The following FAM240C variants were observed in gnomAD, a reference collection of about 807,000 sequenced individuals.
The protein encoded by FAM240C is protein FAM240C.
Under a neutral mutation model 10.0 loss-of-function variants are expected in FAM240C, and 14 were observed. The ratio of observed to expected loss-of-function variants is 1.40; its 90% CI spans 0.92 to 2.19. The LOEUF is 2.19. Among genes scored for constraint, FAM240C ranks in the 30% most tolerant of loss-of-function variants. The pLI is 0.00. For synonymous variants in FAM240C, 49 were observed against 44.3 expected, an observed-to-expected ratio of 1.11 and a Z score of -0.42; for missense variants, 154 against 122.3, an observed-to-expected ratio of 1.26 and a Z score of -1.22.
chr2:241,895,963 T>TA lies in FAM240C; in HGVS notation c.161+1222_161+1223insT, dbSNP rs554941726. On this transcript the variant is annotated intron_variant, in intron 2 of 2. Coordinates refer to ENST00000404031, the MANE Select transcript of FAM240C (RefSeq NM_001382368.1). ...GGCCCGTGGGGCAAGCACTCGGTGG[T>TA]GGGGGGGGGCCTCTCCTTCACCATC... Among the ~76,000 whole-genome samples, 1,086 of 148,972 alleles carry TA rather than the reference T, an allele frequency of 7.3e-3. 20 individuals are homozygous for TA. Among genetic ancestry groups the TA allele is most frequent in the African/African-American group, 0.025 (1,021 of 40,376 alleles).
At chr2:241,896,502 A>G (rs114022390) in intron 2 of FAM240C, among the ~76,000 whole-genome samples, 4 of 7,496 alleles carry the variant, frequency 5.3e-4, no homozygotes, top group East Asian at 9.6e-3. Context: ...GTGTGGGTGA[A>G]GGGGGTGTGG....
rs770184715 is a variant in FAM240C at position 241,897,187 on chromosome 2, T to G, written c.160A>C (p.Lys54Gln). 327 of 1,549,674 alleles carry G rather than the reference T, an allele frequency of 2.1e-4. 2 individuals are homozygous for G. Among genetic ancestry groups the G allele is most frequent in the South Asian group, 4.5e-4 (38 of 84,070 alleles). The change falls in exon 2 of 3, where the codon AAG (lysine) becomes CAG (glutamine). Residue 54 changes from lysine to glutamine, a missense_variant and splice_region_variant. Physicochemically the swap from Lys to Gln is moderately conservative, Grantham distance 53 (BLOSUM62 1). Coordinates refer to ENST00000404031, the MANE Select transcript of FAM240C (RefSeq NM_001382368.1). Reference protein sequence around the residue: ...DIRVRRSALNKLRVGWAEQLE... With the variant: ...DIRVRRSALNQLRVGWAEQLE... ...GATGCACTGCACACCCCGACTCACT[T>G]GTTCAGAGCGCTTCTGCGAACCCTG...
intron 1 of FAM240C, chr2:241,899,357 CTT>C (rs1701929919): frequency 1.0e-6 from 1 of 984,762 alleles, no homozygotes; most frequent in African/African-American, 1.7e-5. Flanking sequence ...GTTCCAGAAA[CTT>C]AGACATGCAA....
At position 241,897,278 on chromosome 2, in the gene FAM240C, G is replaced by A. The variant is rs1257614498; in HGVS notation, c.69C>T (p.Gly23=). 1.4e-5 allele frequency: 22 copies of A among 1,549,676 alleles called. No homozygotes were observed. Among genetic ancestry groups the A allele is most frequent in the Admixed American group, 3.9e-5 (2 of 50,958 alleles). ...KNPGRVAYDS[G]GIKMFWEKKI... ...TTTTCTCCCAAAACATCTTTATCCC[G>A]CCTGAATCGTATGCTACTCTTCCAG... The change falls in exon 2 of 3, where the codon GGC becomes GGT. Residue 23 remains glycine, a synonymous_variant. Coordinates refer to ENST00000404031, the MANE Select transcript of FAM240C (RefSeq NM_001382368.1).
rs749494392 is a variant in FAM240C, at chr2:241,896,489, GGGGTGTGGGT to G, written c.161+687_161+696del. Among the ~76,000 whole-genome samples, 191 of 97,648 alleles carry G rather than the reference GGGGTGTGGGT, an allele frequency of 2.0e-3. 3 individuals carry two copies. The highest frequency in any genetic ancestry group is 3.0e-3 in the Non-Finnish European group (122 of 40,272). The allele number at this position is 97,648 out of a possible 152,430, so 64.1% of individuals were successfully genotyped here. ...AGTGTCAGGGAGATGGCGGGGGAAG[GGGGTGTGGGT>G]GAAGGGGGTGTGGGTGTTGGGGTGT... On this transcript the variant is annotated intron_variant, in intron 2 of 2. Coordinates refer to ENST00000404031, the MANE Select transcript of FAM240C (RefSeq NM_001382368.1).
At chr2:241,899,009 C>G (rs1027145560) in intron 1 of FAM240C, 2 of 777,696 alleles carry the variant, frequency 2.6e-6, no homozygotes, top group Admixed American at 2.3e-5. Flanking sequence ...TCCCCGCCCC[C>G]CACTCTTCTC....
Position 241,900,427 on chromosome 2 carries a change from C to T in FAM240C, c.-58G>A, listed in dbSNP as rs559125207. On this transcript the variant is annotated 5_prime_UTR_variant, in exon 1 of 3. Transcript: ENST00000404031. This position sits in a 1 kb window ranked among gnomAD's most constrained non-coding sequence, Gnocchi z 4.5. Reference sequence around the variant, plus strand: ...TTGAGGGTCCTCAGCCTGTCCTCTCCGGGGTGCACGCCTGTATCTCGCCTG... The same window carrying T: ...TTGAGGGTCCTCAGCCTGTCCTCTCTGGGGTGCACGCCTGTATCTCGCCTG... 14 of 716,182 alleles carry T rather than the reference C, an allele frequency of 2.0e-5. No individual in the cohort carries two copies. The highest frequency in any genetic ancestry group is 5.4e-5 in the East Asian group (2 of 37,272). 44.4% of individuals were successfully genotyped at this position (716,182 alleles called of 1,614,324 possible).
intron 2 of FAM240C, among the ~76,000 whole-genome samples, chr2:241,896,860 TGTGGGG>T (rs1385837017): frequency 1.1e-5 from 1 of 94,414 alleles, no homozygotes; most frequent in African/African-American, 3.5e-5. Context: ...GGGGTGTGGG[TGTGGGG>T]GTGGGGGTGA....
intron 2 of FAM240C, 145 bp downstream of exon 2, chr2:241,897,041 C>G (rs1701862189): frequency 1.2e-6 from 1 of 855,022 alleles, no homozygotes; most frequent in East Asian, 2.7e-5. Flanking sequence ...GGGTTGACTC[C>G]TTTCACAGGC....
At chr2:241,902,120 C>A (rs528821859), upstream of FAM240C, among the ~76,000 whole-genome samples, 1 of 152,152 alleles carries the variant, frequency 6.6e-6, no homozygotes, top group African/African-American at 2.4e-5. The surrounding 1 kb of genome is among the most constrained non-coding windows in gnomAD (Gnocchi z 7.1). Flanking sequence ...ATGCATTTGC[C>A]GCAGGCTGAG....
intron 2 of FAM240C, among the ~76,000 whole-genome samples, chr2:241,896,800 G>C (rs1701832411): frequency 1.1e-4 from 5 of 45,478 alleles, no homozygotes; most frequent in Non-Finnish European, 1.6e-4. Context: ...TGTGGGTGTT[G>C]GGGTGTGGGT....
At chr2:241,896,363 A>G (rs1701803058) in intron 2 of FAM240C, among the ~76,000 whole-genome samples, 1 of 152,140 alleles carries the variant, frequency 6.6e-6, no homozygotes, top group Admixed American at 6.5e-5. Context: ...TAGGAGGAGG[A>G]AGGGCACAAG....
At chr2:241,895,879 G>A (rs1036960526) in intron 2 of FAM240C, among the ~76,000 whole-genome samples, 6 of 152,120 alleles carry the variant, frequency 3.9e-5, no homozygotes, top group South Asian at 2.1e-4. Flanking sequence ...AGAGGCACGC[G>A]GAGGCACGTA....
At chr2:241,897,441 T>C in intron 1 of FAM240C, 107 bp from the exon 2 acceptor site, 1 of 1,353,160 alleles carries the variant, frequency 7.4e-7, no homozygotes, top group African/African-American at 1.4e-5. Flanking sequence ...GCCTGCAGCA[T>C]CGTGGTCCCC....
At chr2:241,899,010 C>G (rs1358380230) in intron 1 of FAM240C, 7 of 781,988 alleles carry the variant, frequency 9.0e-6, no homozygotes, top group African/African-American at 3.6e-5. Context: ...CCCCGCCCCC[C>G]ACTCTTCTCT....
At chr2:241,896,439 G>C (rs1701805752) in intron 2 of FAM240C, among the ~76,000 whole-genome samples, 1 of 151,324 alleles carries the variant, frequency 6.6e-6, no homozygotes, top group Non-Finnish European at 1.5e-5. Context: ...TTTCCTCCTG[G>C]AAAAGTTCCT....
At chr2:241,897,369 C>A (rs1701876848) in intron 1 of FAM240C, 35 bp from the exon 2 acceptor site, 12 of 1,543,312 alleles carry the variant, frequency 7.8e-6, no homozygotes, top group Non-Finnish European at 1.1e-5. Flanking sequence ...GCTCAGTCAC[C>A]TTATGCCATT....
chr2:241,900,496 C>T (rs563996663), upstream of FAM240C: 730 of 670,592 alleles, frequency 1.1e-3, 2 homozygotes, highest in African/African-American at 5.4e-3. The surrounding 1 kb of genome is among the most constrained non-coding windows in gnomAD (Gnocchi z 4.5). Flanking sequence ...TGCTTGGCGT[C>T]GGTTCAGTCC....
rs558654904 is a variant in FAM240C, at chr2:241,900,380, C to T, written c.-11G>A. 13 of 717,242 alleles carry T rather than the reference C, an allele frequency of 1.8e-5. No individual in the cohort carries two copies. The highest frequency in any genetic ancestry group is 3.0e-5 in the South Asian group (2 of 67,588). 44.4% of individuals were successfully genotyped at this position (717,242 alleles called of 1,614,324 possible). A position where few individuals can be genotyped will look rare whatever the true frequency, so the allele number is the denominator to read the frequency against. On this transcript the variant is annotated 5_prime_UTR_variant, in exon 1 of 3. Coordinates refer to ENST00000404031, the MANE Select transcript of FAM240C (RefSeq NM_001382368.1). The surrounding 1 kb of genome is among the most constrained non-coding windows in gnomAD (Gnocchi z 4.5). ...TACTTTTCCAACCATTTCTCAGTGA[C>T]GGGCAGGTTTTCCTGTCTCTGTTGA...
Sources: gnomAD v4.1 joint callset for allele counts (sites outside exome capture counted in the v4.1 genomes callset) on GRCh38, gnomAD v4.1.1 for gene constraint, Gnocchi (gnomAD v3.1) non-coding constraint, MANE v1.5 for transcripts, NCBI Gene and HGNC (gene_info 2026-07-23, HGNC 2026-07-21) for gene names.